Variants in CIT observed in about 807,000 individuals in gnomAD.
CIT encodes the protein citron rho-interacting serine/threonine kinase, also known as citron Rho-interacting kinase.
A neutral mutation model predicts 272.7 loss-of-function variants in CIT; 79 were observed. That is an observed-to-expected ratio of 0.29 (90% CI 0.24 to 0.35). The LOEUF (loss-of-function observed/expected upper bound fraction) is 0.35. CIT is among the 10% of genes least tolerant of loss of function. CIT has a pLI of 1.00. For synonymous variants in CIT, 948 were observed against 995.6 expected (o/e 0.95, Z 0.90); for missense variants, 1,909 against 2,618.3 (o/e 0.73, Z 5.91).
intron 10 of CIT, among the ~76,000 whole-genome samples, chr12:119,796,689 CAAGG>C (rs2137820548): frequency 6.6e-6 from 1 of 152,136 alleles, no homozygotes; most frequent in African/African-American, 2.4e-5. Context: ...GAACTAAAGT[CAAGG>C]AACTGAATGA....
At position 119,704,418 on chromosome 12, in the gene CIT, C is replaced by T; in HGVS notation, c.5249G>A (p.Ser1750Asn). 1.2e-6 allele frequency: 2 copies of T among 1,613,978 alleles called. No homozygotes were observed. The highest frequency in any genetic ancestry group is 1.7e-6 in the Non-Finnish European group (2 of 1,179,862). The change falls in exon 41 of 48, where the codon AGC (serine) becomes AAC (asparagine). Residue 1750 changes from serine to asparagine, a missense_variant. By Grantham distance (46) the Ser-to-Asn change is conservative. Around this residue, in one of 8 missense-constraint regions of CIT, gnomAD observed 780 missense variants for 1,067.2 expected, o/e 0.73. Coordinates refer to ENST00000392521, the MANE Select transcript of CIT (RefSeq NM_001206999.2). ...GTTGTAGCGGAGAATGACGACTTTG[C>T]TGGGCATGGCTGCACAGATGCAGAG... Reference protein sequence around the residue: ...NGLCICAAMPSKVVILRYNEN... With the variant: ...NGLCICAAMPNKVVILRYNEN...
Position 119,701,833 on chromosome 12 carries a change from G to A in CIT, c.5413+17C>T. The A allele has an allele frequency of 1.2e-6, 2 of 1,614,046 alleles. No homozygotes were observed. The highest frequency in any genetic ancestry group is 1.1e-5 in the South Asian group (1 of 91,084). On this transcript the variant is annotated intron_variant, in intron 42 of 47. Transcript: ENST00000392521. ...GCCTGAGCCATGGGTGGGTGCGAAA[G>A]TGGAGGTGGGTCCTACCCTCGAGCG...
chr12:119,782,626 T>G lies in CIT; in HGVS notation c.1557A>C (p.Arg519=), dbSNP rs1170491507. The change falls in exon 13 of 48, where the codon CGA becomes CGC. Residue 519 remains arginine (R), a synonymous_variant. Transcript: ENST00000392521. ...CCTCCATCCGTGCTTGCTCCAAACTTCGCTTTAAGCTCTGCAGAAAGCAAA... is the reference window on the plus strand; with the variant it reads ...CCTCCATCCGTGCTTGCTCCAAACTGCGCTTTAAGCTCTGCAGAAAGCAAA... ...TYITECSSLK[R]SLEQARMEVS... is the part of the protein sequence containing the mutation. 6.2e-7 allele frequency: 1 copy of G among 1,614,006 alleles called. No homozygotes were observed. The highest frequency in any genetic ancestry group is 1.3e-5 in the African/African-American group (1 of 74,916).
At chr12:119,734,414 T>C (rs1958641859) in intron 25 of CIT, 57 bp from the exon 26 acceptor site, 1 of 1,569,094 alleles carries the variant, frequency 6.4e-7, no homozygotes, top group Non-Finnish European at 8.7e-7. Flanking sequence ...TTCCTGGAGA[T>C]TACTTTGGTC....
chr12:119,741,357 A>C (rs556490915), intron 24 of CIT, among the ~76,000 whole-genome samples: 8 of 152,340 alleles, frequency 5.3e-5, no homozygotes, highest in African/African-American at 1.9e-4. Context: ...TGATGATGGG[A>C]AGGGGACATG....
At chr12:119,862,361 T>C (rs1034953443) in intron 3 of CIT, among the ~76,000 whole-genome samples, 4 of 152,106 alleles carry the variant, frequency 2.6e-5, no homozygotes, top group African/African-American at 9.7e-5. Flanking sequence ...ACAAACAAAA[T>C]TGGCACACTA....
At chr12:119,819,561 T>C (rs537146704) in intron 9 of CIT, among the ~76,000 whole-genome samples, 2 of 152,214 alleles carry the variant, frequency 1.3e-5, no homozygotes, top group Admixed American at 6.5e-5. Flanking sequence ...CTTCCTTTCA[T>C]TGGTTACAAC....
intron 3 of CIT, 107 bp downstream of exon 3, chr12:119,868,953 C>G (rs1466389360): frequency 7.5e-7 from 1 of 1,340,552 alleles, no homozygotes; most frequent in Non-Finnish European, 1.0e-6. Flanking sequence ...TTATATAGAA[C>G]CAGAGTTCTT....
At chr12:119,755,869 A>G (rs77204403) in intron 22 of CIT, among the ~76,000 whole-genome samples, 2,406 of 152,188 alleles carry the variant, frequency 0.016, 74 homozygotes, top group African/African-American at 0.056. Flanking sequence ...AATCACACCT[A>G]AATTTGGTTT....
Position 119,710,678 on chromosome 12 carries a change from G to T in CIT, c.4855-58C>A. On this transcript the variant is annotated intron_variant, in intron 37 of 47. Transcript: ENST00000392521. The surrounding 1 kb of genome is among the most constrained non-coding windows in gnomAD (Gnocchi z 5.6). Reference sequence around the variant, plus strand: ...GACATCGTGAGGCTGATCTGTTTATGACCAAACCATCCAGAGAAACCAAGA... The same window carrying T: ...GACATCGTGAGGCTGATCTGTTTATTACCAAACCATCCAGAGAAACCAAGA... 6.7e-7 allele frequency: 1 copy of T among 1,493,698 alleles called. No individual in the cohort carries two copies. Among genetic ancestry groups the T allele is most frequent in the South Asian group, 1.1e-5 (1 of 88,608 alleles). 92.5% of individuals were successfully genotyped at this position (1,493,698 alleles called of 1,614,324 possible).
rs569593228 is a variant in CIT, at chr12:119,760,871, A to G, written c.2421+68T>C. On this transcript the variant is annotated intron_variant, in intron 20 of 47. Coordinates refer to ENST00000392521, the MANE Select transcript of CIT (RefSeq NM_001206999.2). Reference sequence around the variant, plus strand: ...TCACCAGGTGAAATAGAGTCTTATCAGGGGTGATTCTTGGCATATTTCAAA... The same window carrying G: ...TCACCAGGTGAAATAGAGTCTTATCGGGGGTGATTCTTGGCATATTTCAAA... 6.8e-5 allele frequency: 66 copies of G among 977,066 alleles called. 1 individual carries two copies. In the Admixed American group the frequency reaches 1.1e-3, roughly 16 times the overall value. The allele number at this position is 977,066 out of a possible 1,614,324, so 60.5% of individuals were successfully genotyped here. A position where few individuals can be genotyped will look rare whatever the true frequency, so the allele number is the denominator to read the frequency against.
At chr12:119,761,622 A>G (rs1298351054) in intron 19 of CIT, among the ~76,000 whole-genome samples, 1 of 152,206 alleles carries the variant, frequency 6.6e-6, no homozygotes, top group Non-Finnish European at 1.5e-5. Context: ...TTGGCCACCA[A>G]TAACGTAGGT....
chr12:119,690,150 C>T lies in CIT; in HGVS notation c.6186+1G>A. On this transcript the variant is annotated splice_donor_variant, in intron 47 of 47. Coordinates refer to ENST00000392521, the MANE Select transcript of CIT (RefSeq NM_001206999.2). LOFTEE classifies it high-confidence loss of function. This position sits in a 1 kb window ranked among gnomAD's most constrained non-coding sequence, Gnocchi z 6.0. Reference sequence around the variant, plus strand: ...ACACAGGCCTCGGAATGCTGCCTCACCTTGTTCACCTGGGACAGCGGGGTC... The same window carrying T: ...ACACAGGCCTCGGAATGCTGCCTCATCTTGTTCACCTGGGACAGCGGGGTC... 1 of 1,465,798 alleles carries T rather than the reference C, an allele frequency of 6.8e-7. No individual in the cohort carries two copies. The highest frequency in any genetic ancestry group is 9.0e-7 in the Non-Finnish European group (1 of 1,116,292). 90.8% of individuals were successfully genotyped at this position (1,465,798 alleles called of 1,614,324 possible).
Position 119,710,136 on chromosome 12 carries a change from T to G in CIT, c.5071+115A>C. On this transcript the variant is annotated intron_variant, in intron 39 of 47. Transcript: ENST00000392521. This position sits in a 1 kb window ranked among gnomAD's most constrained non-coding sequence, Gnocchi z 5.6. ...TTGGGCATCTATGGGGACACAGAGA[T>G]AAGAGCTACAACGGCTCCTCTCTAC... 8.6e-7 allele frequency: 1 copy of G among 1,159,848 alleles called. No individual in the cohort carries two copies. The highest frequency in any genetic ancestry group is 1.5e-5 in the African/African-American group (1 of 64,946). 71.8% of individuals were successfully genotyped at this position (1,159,848 alleles called of 1,614,324 possible).
intron 5 of CIT, among the ~76,000 whole-genome samples, chr12:119,847,751 C>T (rs940075899): frequency 2.8e-4 from 43 of 151,922 alleles, no homozygotes; most frequent in African/African-American, 9.4e-4. Context: ...ATTAGCAGGG[C>T]GTGGTGTCAT....
intron 28 of CIT, among the ~76,000 whole-genome samples, chr12:119,727,555 C>T (rs942568296): frequency 2.0e-5 from 3 of 152,136 alleles, no homozygotes; most frequent in Admixed American, 6.6e-5. Flanking sequence ...CACCACCACA[C>T]AATTCACCCA....
chr12:119,783,833 C>A, intron 12 of CIT, 75 bp downstream of exon 12: 1 of 1,490,650 alleles, frequency 6.7e-7, no homozygotes, highest in South Asian at 1.4e-5. Context: ...CTCATGGAGC[C>A]ATCATGAAAC....
Position 119,858,093 on chromosome 12 carries a change from C to T in CIT, c.239-395G>A, listed in dbSNP as rs576240585. Among the ~76,000 whole-genome samples, 4 of 152,358 alleles carry T rather than the reference C, an allele frequency of 2.6e-5. No homozygotes were observed. The East Asian group carries it at 5.8e-4, about 22-fold the overall frequency. On this transcript the variant is annotated intron_variant, in intron 3 of 47. Coordinates refer to ENST00000392521, the MANE Select transcript of CIT (RefSeq NM_001206999.2). ...TCAACATGAGTCTAATTTAGACCAACTTGGGACCTGGTTTCCAGATCATTC... is the reference window on the plus strand; with the variant it reads ...TCAACATGAGTCTAATTTAGACCAATTTGGGACCTGGTTTCCAGATCATTC...
chr12:119,738,617 C>T (rs935516120), intron 24 of CIT, among the ~76,000 whole-genome samples: 4 of 152,058 alleles, frequency 2.6e-5, no homozygotes, highest in Non-Finnish European at 5.9e-5. Flanking sequence ...GACGTGGTGG[C>T]TCACACCTGT....
Sources: gnomAD v4.1 joint callset for allele counts (sites outside exome capture counted in the v4.1 genomes callset) on GRCh38, gnomAD v4.1.1 for gene constraint, gnomAD v4.1.1 regional missense constraint, Gnocchi (gnomAD v3.1) non-coding constraint, MANE v1.5 for transcripts, NCBI Gene and HGNC (gene_info 2026-07-23, HGNC 2026-07-21) for gene names.